The following CTPS1 variants were observed in gnomAD, a reference collection of about 807,000 sequenced individuals.
The protein encoded by CTPS1 is CTP synthase 1.
A neutral mutation model predicts 80.5 loss-of-function variants in CTPS1; 25 were observed. The observed-to-expected ratio is 0.31, with a 90% CI of 0.23 to 0.43. The LOEUF is 0.43. Ranked by LOEUF, CTPS1 falls within the 20% of genes least tolerant of loss-of-function variation. The pLI is 1.00. For synonymous variants in CTPS1, 267 were observed against 252.5 expected (o/e 1.06, Z -0.54); for missense variants, 442 against 725.7 (o/e 0.61, Z 4.49).
At chr1:40,997,307 T>G in intron 8 of CTPS1, 87 bp from the exon 9 acceptor site, 8 of 1,496,558 alleles carry the variant, frequency 5.3e-6, no homozygotes, top group East Asian at 2.3e-5. Context: ...CCAGACGTGG[T>G]TTTTTTTCCC....
chr1:41,006,247 A>G (rs1290228225), intron 13 of CTPS1, among the ~76,000 whole-genome samples, 153 bp downstream of exon 13: 2 of 152,148 alleles, frequency 1.3e-5, no homozygotes, highest in African/African-American at 2.4e-5. Flanking sequence ...CAGAGAGGAA[A>G]AACTTTTCTT....
At position 40,990,251 on chromosome 1, in the gene CTPS1, C is replaced by T. The variant is rs534131540; in HGVS notation, c.556-914C>T. ...GCCTTTACAGAAAAAATTTTCTGAC[C>T]CCTTATCTGAACAATTCAAGGAAAT... is the stretch of plus-strand genomic sequence containing the variant. On this transcript the variant is annotated intron_variant, in intron 5 of 18. Transcript: ENST00000650070. Among the ~76,000 whole-genome samples, 265 of 152,202 alleles carry T rather than the reference C, an allele frequency of 1.7e-3. 2 individuals are homozygous for T. The highest frequency in any genetic ancestry group is 6.2e-3 in the African/African-American group (257 of 41,538).
In CTPS1 at chr1:40,993,774, CT is replaced by C. The variant is rs71278720; in HGVS notation, c.720+1951del. ...GCCTTGTCTTTTCATTTTCTTCTCT[CT>C]TTTTTTTTTTTTTTTTTTTTTGAGA... On this transcript the variant is annotated intron_variant, in intron 7 of 18. Transcript: ENST00000650070. Among the ~76,000 whole-genome samples the C allele has an allele frequency of 5.1e-3, 434 of 85,778 alleles. 2 individuals are homozygous for C. Among genetic ancestry groups the C allele is most frequent in the African/African-American group, 0.013 (317 of 24,518 alleles). The allele number at this position is 85,778 out of a possible 152,430, so 56.3% of individuals were successfully genotyped here. A position where few individuals can be genotyped will look rare whatever the true frequency, so the allele number is the denominator to read the frequency against.
chr1:41,007,870 A>C lies in CTPS1; in HGVS notation c.1393+325A>C, dbSNP rs1286825780. Among the ~76,000 whole-genome samples the C allele has an allele frequency of 1.3e-5, 2 of 152,226 alleles. No individual in the cohort carries two copies. Among genetic ancestry groups the C allele is most frequent in the African/African-American group, 2.4e-5 (1 of 41,464 alleles). The stretch of plus-strand genomic sequence containing the variant: ...GCCATATCAATTGCTGATGTTTGGC[A>C]ATTTTTGTCACACAAAGATGGCAAT... On this transcript the variant is annotated intron_variant, in intron 14 of 18. Transcript: ENST00000650070. The surrounding 1 kb of genome is among the most constrained non-coding windows in gnomAD (Gnocchi z 4.4).
chr1:40,983,373 A>G lies in CTPS1; in HGVS notation c.83A>G (p.Lys28Arg). Reference protein sequence around the residue: ...IIASSVGTILKSCGLHVTSIK... With the variant: ...IIASSVGTILRSCGLHVTSIK... ...GCCAGCAGTGTGGGCACAATACTCA[A>G]GTCATGTGGTTTACATGTAACTTCA... Residue 28 changes from lysine (K) to arginine (R), a missense_variant, in exon 2 of 19, where the codon AAG becomes AGG. Transcript: ENST00000650070. 2 of 1,614,146 alleles carry G rather than the reference A, an allele frequency of 1.2e-6. No homozygotes were observed. The highest frequency in any genetic ancestry group is 8.5e-7 in the Non-Finnish European group (1 of 1,179,984).
Position 40,990,078 on chromosome 1 carries a change from C to G in CTPS1, c.556-1087C>G, listed in dbSNP as rs6600363. The stretch of plus-strand genomic sequence containing the variant: ...CCTATGGGCCACATGAACCTACCCC[C>G]CCGTATTTGGAAATCAAGTTTATGG... On this transcript the variant is annotated intron_variant, in intron 5 of 18. Coordinates refer to ENST00000650070, the MANE Select transcript of CTPS1 (RefSeq NM_001905.4). Among the ~76,000 whole-genome samples the G allele has an allele frequency of 5.3e-3, 800 of 152,254 alleles. 3 individuals are homozygous for G. The highest frequency in any genetic ancestry group is 0.018 in the African/African-American group (737 of 41,554).
intron 5 of CTPS1, among the ~76,000 whole-genome samples, 181 bp from the exon 6 acceptor site, chr1:40,990,984 C>T (rs985551340): frequency 2.6e-5 from 4 of 152,100 alleles, no homozygotes; most frequent in African/African-American, 7.2e-5. Flanking sequence ...CTTACAAGCT[C>T]GGTTAGAACC....
rs1032014844 is a variant in CTPS1, at chr1:40,998,164, C to T, written c.1005+638C>T. 3.3e-5 allele frequency among the ~76,000 whole-genome samples: 5 copies of T among 151,944 alleles called. No individual in the cohort carries two copies. In the East Asian group the frequency reaches 9.7e-4, roughly 29 times the overall value. On this transcript the variant is annotated intron_variant, in intron 9 of 18. Coordinates refer to ENST00000650070, the MANE Select transcript of CTPS1 (RefSeq NM_001905.4). ...CTGTAATCCCAGCACTTTGGGAGGCCGAGGTGGGCAGATCACGAGGTCAGG... is the reference window on the plus strand; with the variant it reads ...CTGTAATCCCAGCACTTTGGGAGGCTGAGGTGGGCAGATCACGAGGTCAGG...
At chr1:40,996,913 G>A (rs1642766340) in intron 8 of CTPS1, among the ~76,000 whole-genome samples, 1 of 151,788 alleles carries the variant, frequency 6.6e-6, no homozygotes, top group Non-Finnish European at 1.5e-5. Context: ...GTCTATGTCT[G>A]TTATTTTTTT....
chr1:41,011,417 C>T (rs958113074), intron 18 of CTPS1, among the ~76,000 whole-genome samples: 1 of 152,106 alleles, frequency 6.6e-6, no homozygotes, highest in Non-Finnish European at 1.5e-5. Flanking sequence ...GACACTGTTA[C>T]GAGGTGCTGT....
chr1:40,986,803 G>A (rs909197684), intron 3 of CTPS1, among the ~76,000 whole-genome samples: 6 of 152,106 alleles, frequency 3.9e-5, no homozygotes, highest in African/African-American at 4.8e-5. Context: ...TAACAGGTGG[G>A]GAAAACAAGC....
chr1:41,003,220 T>A (rs1642951117), intron 12 of CTPS1, 44 bp downstream of exon 12: 1 of 1,608,870 alleles, frequency 6.2e-7, no homozygotes, highest in Non-Finnish European at 8.5e-7. Flanking sequence ...GCTTGTGTAT[T>A]TCTGGAGGAT....
intron 3 of CTPS1, among the ~76,000 whole-genome samples, chr1:40,985,628 G>T (rs1642432408): frequency 6.6e-6 from 1 of 152,224 alleles, no homozygotes; most frequent in South Asian, 2.1e-4. Context: ...ATTTGGAGAG[G>T]TTGCTGAAAA....
Position 41,007,608 on chromosome 1 carries a change from G to A in CTPS1, c.1393+63G>A. The A allele has an allele frequency of 1.4e-6, 2 of 1,411,570 alleles. No homozygotes were observed. Among genetic ancestry groups the A allele is most frequent in the Non-Finnish European group, 2.0e-6 (2 of 1,003,598 alleles). 87.4% of individuals were successfully genotyped at this position (1,411,570 alleles called of 1,614,324 possible). ...GCGTGCCCAGGACGCGTGTCTTAGGGTGATGCTGTGGCTTCGAGGAGCAGG... is the reference window on the plus strand; with the variant it reads ...GCGTGCCCAGGACGCGTGTCTTAGGATGATGCTGTGGCTTCGAGGAGCAGG... On this transcript the variant is annotated intron_variant, in intron 14 of 18. Transcript: ENST00000650070. This position sits in a 1 kb window ranked among gnomAD's most constrained non-coding sequence, Gnocchi z 4.4.
rs1021855127 is a variant in CTPS1, at chr1:41,001,064, G to A, written c.1041G>A (p.Ser347=). 1.9e-6 allele frequency: 3 copies of A among 1,612,324 alleles called. No homozygotes were observed. The highest frequency in any genetic ancestry group is 1.1e-5 in the South Asian group (1 of 90,818). ...IDSADLEPIT[S]QEEPVRYHEA... ...CTGCGGACTTGGAGCCCATCACCTC[G>A]CAAGAAGAGCCCGTGCGCTACCACG... Residue 347 remains serine, a synonymous_variant, in exon 10 of 19, where the codon TCG becomes TCA. Coordinates refer to ENST00000650070, the MANE Select transcript of CTPS1 (RefSeq NM_001905.4).
chr1:40,984,336 T>C (rs1243588821), intron 2 of CTPS1, among the ~76,000 whole-genome samples: 1 of 152,244 alleles, frequency 6.6e-6, no homozygotes, highest in African/African-American at 2.4e-5. Context: ...GGTAAATATG[T>C]GCAGTTTCAC....
At chr1:41,008,994 T>A in intron 16 of CTPS1, 104 bp downstream of exon 16, 1 of 927,948 alleles carries the variant, frequency 1.1e-6, no homozygotes, top group Non-Finnish European at 1.7e-6. Context: ...CTAACAGAAT[T>A]AGGAAGCAGC....
At chr1:41,002,038 G>GT (rs751470885) in intron 10 of CTPS1, 122 bp from the exon 11 acceptor site, 4 of 820,924 alleles carry the variant, frequency 4.9e-6, no homozygotes, top group Non-Finnish European at 8.5e-6. Flanking sequence ...CATTGTCACA[G>GT]TAGCACAATG....
At chr1:40,995,394 G>A (rs1169551869) in intron 7 of CTPS1, among the ~76,000 whole-genome samples, 6 of 147,564 alleles carry the variant, frequency 4.1e-5, no homozygotes, top group African/African-American at 1.2e-4. Context: ...AATTTTTTGG[G>A]TGTTTTTTTT....
Sources: allele counts gnomAD v4.1 joint callset (sites outside exome capture counted in the v4.1 genomes callset), GRCh38; gene constraint gnomAD v4.1.1; non-coding constraint Gnocchi (gnomAD v3.1); transcripts MANE v1.5; gene names NCBI Gene and HGNC (gene_info 2026-07-23, HGNC 2026-07-21).